MARCHF1: variants seen among roughly 807,000 people sequenced by gnomAD.
MARCHF1 encodes the protein E3 ubiquitin-protein ligase MARCHF1.
MARCHF1 carries 40 observed loss-of-function variants against 54.2 expected under a neutral mutation model. The observed-to-expected ratio is 0.74, with a 90% CI of 0.57 to 0.96. MARCHF1 has a LOEUF of 0.96. Among genes scored for constraint, MARCHF1 ranks in the 40% least tolerant of loss-of-function variants. MARCHF1 has a pLI of 0.00. For synonymous variants in MARCHF1, 236 were observed against 236.3 expected (o/e 1.00, Z 0.01); for missense variants, 586 against 656.5 (o/e 0.89, Z 1.17).
chr4:163,801,957 T>TG (rs1281040394), intron 4 of MARCHF1, among the ~76,000 whole-genome samples: 5 of 152,078 alleles, frequency 3.3e-5, no homozygotes, highest in Admixed American at 1.3e-4. Context: ...TCCGTTGTTT[T>TG]GGGGGTGGGG....
intron 5 of MARCHF1, among the ~76,000 whole-genome samples, chr4:163,658,550 G>A (rs1246043714): frequency 2.0e-5 from 3 of 151,876 alleles, no homozygotes; most frequent in African/African-American, 7.3e-5. Context: ...TCATTACTGG[G>A]TATGTAACCA....
intron 1 of MARCHF1, among the ~76,000 whole-genome samples, chr4:164,368,245 G>A (rs1730936047): frequency 6.6e-6 from 1 of 150,780 alleles, no homozygotes; most frequent in African/African-American, 2.4e-5. Context: ...AATTCTAGAT[G>A]AAGTAGAGAT....
At chr4:164,264,833 T>G (rs1241264255) in intron 1 of MARCHF1, among the ~76,000 whole-genome samples, 1 of 150,072 alleles carries the variant, frequency 6.7e-6, no homozygotes, top group East Asian at 2.0e-4. Context: ...GGTAGGAGAA[T>G]CCCTTGAACC....
At chr4:164,091,258 C>CTTGATT (rs1755292810) in intron 2 of MARCHF1, among the ~76,000 whole-genome samples, 2 of 151,796 alleles carry the variant, frequency 1.3e-5, no homozygotes, top group East Asian at 3.9e-4. Context: ...AATAATTATG[C>CTTGATT]ATCAGCTTAT....
At chr4:164,181,933 C>A (rs1359493484) in intron 1 of MARCHF1, among the ~76,000 whole-genome samples, 4 of 152,058 alleles carry the variant, frequency 2.6e-5, no homozygotes, top group Non-Finnish European at 5.9e-5. Flanking sequence ...AAAATTAAAT[C>A]ATTTGCCAGT....
At chr4:164,356,048 A>G (rs1730521347) in intron 1 of MARCHF1, among the ~76,000 whole-genome samples, 1 of 136,542 alleles carries the variant, frequency 7.3e-6, no homozygotes. Flanking sequence ...GAGAAATGCA[A>G]ATCAAAGCCA....
chr4:163,916,363 G>A (rs1751306698), intron 3 of MARCHF1, among the ~76,000 whole-genome samples: 1 of 152,100 alleles, frequency 6.6e-6, no homozygotes, highest in African/African-American at 2.4e-5. Context: ...CCAAAATTGG[G>A]TGTTCTCCCA....
chr4:164,154,805 G>T lies in MARCHF1; in HGVS notation c.-322-43143C>A, dbSNP rs142066830. ...TTTTGCAAGGGCAGGGGACGATTGT[G>T]CCAGCTTTCTGTATCCCAAGATCTT... On this transcript the variant is annotated intron_variant, in intron 1 of 9. Transcript: ENST00000514618. Among the ~76,000 whole-genome samples the T allele has an allele frequency of 5.9e-3, 898 of 152,314 alleles. 9 individuals carry two copies. The highest frequency in any genetic ancestry group is 0.021 in the African/African-American group (857 of 41,574).
intron 5 of MARCHF1, among the ~76,000 whole-genome samples, chr4:163,624,231 C>T (rs1023904481): frequency 2.6e-5 from 4 of 152,254 alleles, no homozygotes; most frequent in East Asian, 1.9e-4. Context: ...GAGAATGCTC[C>T]GTGAAACCCT....
At chr4:164,086,912 A>G (rs1030398265) in intron 2 of MARCHF1, among the ~76,000 whole-genome samples, 7 of 152,132 alleles carry the variant, frequency 4.6e-5, no homozygotes, top group African/African-American at 1.7e-4. Flanking sequence ...GACAGACAAT[A>G]AAATCAAATA....
chr4:163,945,217 G>A (rs1032133462), intron 3 of MARCHF1, among the ~76,000 whole-genome samples: 4 of 152,160 alleles, frequency 2.6e-5, no homozygotes, highest in African/African-American at 9.6e-5. Flanking sequence ...CTGTAATCCT[G>A]GTTGTTGGCC....
chr4:164,113,226 A>G (rs928784213), intron 1 of MARCHF1, among the ~76,000 whole-genome samples: 10 of 152,022 alleles, frequency 6.6e-5, no homozygotes, highest in African/African-American at 2.4e-4. Context: ...CATTGGGTGC[A>G]TTAGCATAAT....
chr4:164,179,073 C>T (rs965627726), intron 1 of MARCHF1, among the ~76,000 whole-genome samples: 5 of 152,156 alleles, frequency 3.3e-5, no homozygotes, highest in East Asian at 1.9e-4. Flanking sequence ...GATGAGACTA[C>T]GTTCTCCTCC....
intron 1 of MARCHF1, among the ~76,000 whole-genome samples, chr4:164,244,129 T>A (rs1732865948): frequency 6.6e-6 from 1 of 151,910 alleles, no homozygotes; most frequent in African/African-American, 2.4e-5. Context: ...TACAGAACTC[T>A]CCACCCCAAA....
At chr4:163,696,832 G>A (rs2111218909) in intron 5 of MARCHF1, among the ~76,000 whole-genome samples, 2 of 152,110 alleles carry the variant, frequency 1.3e-5, no homozygotes, top group South Asian at 4.2e-4. Flanking sequence ...CCAATTAGAT[G>A]GAAGTGATGG....
chr4:164,210,939 A>C (rs2111117365), intron 1 of MARCHF1, among the ~76,000 whole-genome samples: 1 of 152,258 alleles, frequency 6.6e-6, no homozygotes, highest in African/African-American at 2.4e-5. Context: ...TATGCTAAGT[A>C]AAATAAGCCA....
intron 4 of MARCHF1, among the ~76,000 whole-genome samples, chr4:163,770,925 T>G (rs1015743662): frequency 6.6e-6 from 1 of 152,216 alleles, no homozygotes; most frequent in Non-Finnish European, 1.5e-5. Context: ...TATTGCAAAA[T>G]TAAAACTTAA....
chr4:164,234,142 T>A (rs571577441), intron 1 of MARCHF1, among the ~76,000 whole-genome samples: 113 of 152,270 alleles, frequency 7.4e-4, no homozygotes, highest in Non-Finnish European at 1.1e-3. Context: ...AATTGCTACC[T>A]ATCTAAAATT....
chr4:164,110,046 T>C (rs1403342128), intron 2 of MARCHF1, among the ~76,000 whole-genome samples: 1 of 151,448 alleles, frequency 6.6e-6, no homozygotes, highest in African/African-American at 2.4e-5. Context: ...CAACAGAAGT[T>C]TCCTATTAAT....
Sources: allele counts gnomAD v4.1 joint callset (sites outside exome capture counted in the v4.1 genomes callset), GRCh38; gene constraint gnomAD v4.1.1; transcripts MANE v1.5; gene names NCBI Gene and HGNC (gene_info 2026-07-23, HGNC 2026-07-21).